DSCAML1: variants seen among roughly 807,000 people sequenced by gnomAD.
The protein encoded by DSCAML1 is DS cell adhesion molecule like 1.
In DSCAML1, 38 loss-of-function variants were observed where a neutral mutation model predicts 200.5. The ratio of observed to expected loss-of-function variants is 0.19; its 90% CI spans 0.15 to 0.25. The LOEUF is 0.25. DSCAML1 is among the 10% of genes least tolerant of loss of function. DSCAML1 has a pLI of 1.00. For missense variants in DSCAML1, 2,223 were observed against 2,858.8 expected (o/e 0.78, Z 5.07); for synonymous variants, 1,215 against 1,165.0 (o/e 1.04, Z -0.87).
chr11:117,565,730 C>A (rs996758320), intron 3 of DSCAML1, among the ~76,000 whole-genome samples: 3 of 152,160 alleles, frequency 2.0e-5, no homozygotes, highest in Admixed American at 6.5e-5. Context: ...TCCCTCAGCA[C>A]TCAGCTGGCT....
chr11:117,595,462 A>G (rs193142859), intron 3 of DSCAML1, among the ~76,000 whole-genome samples: 121 of 152,254 alleles, frequency 7.9e-4, no homozygotes, highest in Middle Eastern at 3.4e-3. Flanking sequence ...TGCTTTTTTC[A>G]TTTTATATTC....
At chr11:117,664,044 G>A (rs1232336094) in intron 3 of DSCAML1, among the ~76,000 whole-genome samples, 1 of 152,218 alleles carries the variant, frequency 6.6e-6, no homozygotes, top group Non-Finnish European at 1.5e-5. Flanking sequence ...AAAATGCCGT[G>A]GCTCCCAGCA....
chr11:117,757,573 TACACACACACACACAC>T lies in DSCAML1; in HGVS notation c.511+19202_511+19217del, dbSNP rs5795104. Among the ~76,000 whole-genome samples the T allele has an allele frequency of 4.5e-3, 663 of 146,896 alleles. 3 individuals are homozygous for T. Among genetic ancestry groups the T allele is most frequent in the African/African-American group, 0.012 (493 of 39,932 alleles). On this transcript the variant is annotated intron_variant, in intron 3 of 32. Transcript: ENST00000651296. ...GCATTTTTAACCAATTAGGAGCCTA[TACACACACACACACAC>T]ACACACACACACACACACACACACA...
In DSCAML1 at chr11:117,428,778, A is replaced by G. The variant is rs1317198459; in HGVS notation, c.5712T>C (p.Tyr1904=). 1 of 1,607,832 alleles carries G rather than the reference A, an allele frequency of 6.2e-7. No homozygotes were observed. Among genetic ancestry groups the G allele is most frequent in the African/African-American group, 1.3e-5 (1 of 75,002 alleles). The change falls in exon 33 of 33, where the codon TAT becomes TAC. Residue 1904 remains tyrosine (Y), a synonymous_variant. Transcript: ENST00000651296. The part of the protein sequence containing the change: ...NKSDYCNLPL[Y]AKSEAFFRKA... The stretch of plus-strand genomic sequence containing the variant: ...TTCGAAAGAAGGCCTCTGACTTGGC[A>G]TACAGGGGCAGGTTGCAGTAGTCAC...
At chr11:117,568,674 G>A (rs1365755377) in intron 3 of DSCAML1, among the ~76,000 whole-genome samples, 2 of 152,076 alleles carry the variant, frequency 1.3e-5, no homozygotes, top group African/African-American at 4.8e-5. Flanking sequence ...GGACATGAAC[G>A]ACCTCTTCAA....
chr11:117,769,812 G>A (rs1245868242), intron 3 of DSCAML1, among the ~76,000 whole-genome samples: 3 of 151,626 alleles, frequency 2.0e-5, no homozygotes, highest in African/African-American at 4.8e-5. Context: ...TATGTCAAAC[G>A]CTTAGAACAG....
intron 3 of DSCAML1, among the ~76,000 whole-genome samples, chr11:117,753,661 C>T (rs1020395390): frequency 2.6e-5 from 4 of 152,162 alleles, no homozygotes; most frequent in Non-Finnish European, 5.9e-5. Context: ...TAAGTTGCCA[C>T]GATTCAGTCA....
intron 1 of DSCAML1, among the ~76,000 whole-genome samples, chr11:117,795,078 C>G (rs1180231032): frequency 6.6e-6 from 1 of 152,182 alleles, no homozygotes; most frequent in Admixed American, 6.5e-5. Context: ...TCTGCTCCCG[C>G]CCTATCAAAT....
chr11:117,545,120 C>CAGGCCAGA (rs2137376505), intron 3 of DSCAML1, among the ~76,000 whole-genome samples: 1 of 152,202 alleles, frequency 6.6e-6, no homozygotes, highest in South Asian at 2.1e-4. Context: ...ATCCCAGATA[C>CAGGCCAGA]TCGGGAGGCC....
intron 8 of DSCAML1, among the ~76,000 whole-genome samples, chr11:117,514,801 C>A (rs2049723839): frequency 6.6e-6 from 1 of 152,146 alleles, no homozygotes; most frequent in Non-Finnish European, 1.5e-5. Context: ...AGGCTGGTCT[C>A]AAACTCCTGA....
At chr11:117,764,662 A>G (rs1189019981) in intron 3 of DSCAML1, among the ~76,000 whole-genome samples, 2 of 152,256 alleles carry the variant, frequency 1.3e-5, no homozygotes, top group Admixed American at 1.3e-4. Context: ...ACGGAACCAG[A>G]AGCTGTGGTT....
chr11:117,776,984 T>A, intron 2 of DSCAML1, 47 bp from the exon 3 acceptor site: 1 of 1,604,780 alleles, frequency 6.2e-7, no homozygotes, highest in Non-Finnish European at 8.5e-7. Flanking sequence ...CACAAGGATG[T>A]GGTGAGGGTC....
At position 117,771,311 on chromosome 11, in the gene DSCAML1, C is replaced by T. The variant is rs1177175982; in HGVS notation, c.511+5480G>A. ...ATTATCCATCCCCGTCCATCAGAGC[C>T]GACAACATGAGCTGAATCCTAAATT... On this transcript the variant is annotated intron_variant, in intron 3 of 32. Transcript: ENST00000651296. Among the ~76,000 whole-genome samples the T allele has an allele frequency of 3.3e-5, 5 of 152,330 alleles. No homozygotes were observed. In the East Asian group the frequency reaches 5.8e-4, roughly 18 times the overall value.
At chr11:117,767,393 A>G (rs1028998029) in intron 3 of DSCAML1, among the ~76,000 whole-genome samples, 8 of 152,192 alleles carry the variant, frequency 5.3e-5, no homozygotes, top group Admixed American at 3.3e-4. Flanking sequence ...TCAATAACTG[A>G]TCACTTATTT....
intron 1 of DSCAML1, among the ~76,000 whole-genome samples, chr11:117,786,691 G>A (rs1158699851): frequency 1.3e-5 from 2 of 152,142 alleles, no homozygotes; most frequent in Admixed American, 6.5e-5. Flanking sequence ...TGTAATCATC[G>A]TAAAGGACAA....
chr11:117,741,845 C>T (rs774685036), intron 3 of DSCAML1, among the ~76,000 whole-genome samples: 2 of 152,198 alleles, frequency 1.3e-5, no homozygotes, highest in Non-Finnish European at 2.9e-5. Flanking sequence ...ATGGAGCCCA[C>T]AAGCTCCATA....
intron 18 of DSCAML1, among the ~76,000 whole-genome samples, chr11:117,459,653 A>T (rs1176643622): frequency 1.3e-5 from 2 of 152,298 alleles, no homozygotes; most frequent in African/African-American, 4.8e-5. Flanking sequence ...TCTAAAGAGG[A>T]GCTTAGGGAG....
At chr11:117,515,870 C>T (rs377334597) in intron 8 of DSCAML1, among the ~76,000 whole-genome samples, 364 of 152,132 alleles carry the variant, frequency 2.4e-3, no homozygotes, top group South Asian at 0.013. Flanking sequence ...CCACCCGCCT[C>T]GGCCTCCCAA....
At chr11:117,727,484 C>G (rs1280490395) in intron 3 of DSCAML1, among the ~76,000 whole-genome samples, 1 of 152,160 alleles carries the variant, frequency 6.6e-6, no homozygotes, top group Non-Finnish European at 1.5e-5. Context: ...GGTGTGACTG[C>G]TGAGTATAGC....
Sources: allele counts gnomAD v4.1 joint callset (sites outside exome capture counted in the v4.1 genomes callset), GRCh38; gene constraint gnomAD v4.1.1; transcripts MANE v1.5; gene names NCBI Gene and HGNC (gene_info 2026-07-23, HGNC 2026-07-21).